Variants in ARMC6 observed in about 807,000 individuals in gnomAD.
The protein encoded by ARMC6 is armadillo repeat-containing protein 6.
Under a neutral mutation model 49.2 loss-of-function variants are expected in ARMC6, and 43 were observed. The ratio of observed to expected loss-of-function variants is 0.87; its 90% CI spans 0.69 to 1.13. ARMC6 has a LOEUF of 1.13. Ranked by LOEUF, ARMC6 falls within the 50% of genes most tolerant of loss-of-function variation. The probability of loss-of-function intolerance (pLI) is 0.00; values close to 1 mark genes in which losing one functional copy is unlikely to be tolerated. For missense variants in ARMC6, 627 were observed against 682.0 expected (o/e 0.92, Z 0.90); for synonymous variants, 262 against 289.6 (o/e 0.90, Z 0.97).
intron 4 of ARMC6, among the ~76,000 whole-genome samples, chr19:19,045,946 C>T (rs577294409): frequency 1.4e-4 from 21 of 152,116 alleles, no homozygotes; most frequent in East Asian, 7.8e-4. Context: ...CCACTATGCC[C>T]GGCCTATTAT....
rs1293160492 is a variant in ARMC6, at chr19:19,057,624, C to T, written c.1502C>T (p.Pro501Leu). 1 of 1,611,884 alleles carries T rather than the reference C, an allele frequency of 6.2e-7. No homozygotes were observed. Among genetic ancestry groups the T allele is most frequent in the Non-Finnish European group, 8.5e-7 (1 of 1,179,982 alleles). Residue 501 changes from proline (P) to leucine (L), a missense_variant, in exon 9 of 9, where the codon CCA (proline) becomes CTA (leucine). By Grantham distance (98) the Pro-to-Leu change is moderately conservative. Transcript: ENST00000535612. ...LWTGQRGNLA[P>L] ...ACAGGCCAGAGGGGCAACCTGGCGC[C>T]ATGACCCCAGGCCCAGTCTGGGCCG... is the stretch of plus-strand genomic sequence containing the variant.
intron 2 of ARMC6, chr19:19,037,779 C>G: frequency 1.2e-6 from 1 of 822,660 alleles, no homozygotes; most frequent in Middle Eastern, 3.0e-4. Context: ...AAGGCCTGTT[C>G]CTCCTTTTGT....
chr19:19,044,154 A>G, intron 4 of ARMC6, 80 bp downstream of exon 4: 1 of 1,388,596 alleles, frequency 7.2e-7, no homozygotes, highest in Non-Finnish European at 1.0e-6. Context: ...TGGATGGCAG[A>G]ATACAGGCTC....
intron 4 of ARMC6, among the ~76,000 whole-genome samples, chr19:19,044,757 G>C (rs922884390): frequency 5.9e-5 from 9 of 152,322 alleles, no homozygotes; most frequent in East Asian, 3.9e-4. Flanking sequence ...CCCCATTGTA[G>C]AGATGGGGAC....
rs2059429671 is a variant in ARMC6 at position 19,043,980 on chromosome 19, C to A, written c.197-12C>A. 3 of 1,613,408 alleles carry A rather than the reference C, an allele frequency of 1.9e-6. No individual in the cohort carries two copies. The highest frequency in any genetic ancestry group is 4.5e-5 in the East Asian group (2 of 44,856). Reference sequence around the variant, plus strand: ...CTGACCCCTGTGTGCTTGCTTCCCCCACCCCCAACAGGGGTTGATCTGAGC... The same window carrying A: ...CTGACCCCTGTGTGCTTGCTTCCCCAACCCCCAACAGGGGTTGATCTGAGC... On this transcript the variant is annotated splice_polypyrimidine_tract_variant and intron_variant, in intron 3 of 8. Transcript: ENST00000535612.
At position 19,042,696 on chromosome 19, in the gene ARMC6, G is replaced by C; in HGVS notation, c.30-15G>C. 1.2e-6 allele frequency: 2 copies of C among 1,610,938 alleles called. No individual in the cohort carries two copies. Among genetic ancestry groups the C allele is most frequent in the Non-Finnish European group, 1.7e-6 (2 of 1,179,912 alleles). On this transcript the variant is annotated splice_polypyrimidine_tract_variant and intron_variant, in intron 2 of 8. Transcript: ENST00000535612. ...TCACCCTTGAGGTAGCTCTCTCTTT[G>C]CCCTAACCTCTCAGCTCAGGAGCAT...
intron 5 of ARMC6, among the ~76,000 whole-genome samples, chr19:19,052,942 A>G (rs1187556323): frequency 1.3e-5 from 2 of 152,180 alleles, no homozygotes; most frequent in African/African-American, 2.4e-5. Flanking sequence ...TCCAGGAGGT[A>G]GCTCACATCT....
At chr19:19,044,861 C>T (rs755141414) in intron 4 of ARMC6, among the ~76,000 whole-genome samples, 5 of 152,198 alleles carry the variant, frequency 3.3e-5, no homozygotes, top group Non-Finnish European at 7.3e-5. Context: ...GGGTGTAAAC[C>T]CGGCTTGCCT....
intron 2 of ARMC6, among the ~76,000 whole-genome samples, chr19:19,037,142 G>A (rs1392550760): frequency 2.0e-5 from 3 of 152,080 alleles, no homozygotes; most frequent in Non-Finnish European, 4.4e-5. Context: ...CCAAGATCGT[G>A]CCACTGCATT....
intron 2 of ARMC6, chr19:19,040,654 CTTTTT>C: frequency 3.6e-6 from 1 of 275,046 alleles, no homozygotes; most frequent in Non-Finnish European, 7.4e-6. Context: ...CAGAGTTTGA[CTTTTT>C]TTTTTTTTTG....
In ARMC6 at chr19:19,057,437, C is replaced by T. The variant is rs770535680; in HGVS notation, c.1315C>T (p.Arg439Ter). 72 of 1,613,328 alleles carry T rather than the reference C, an allele frequency of 4.5e-5. No homozygotes were observed. The highest frequency in any genetic ancestry group is 5.3e-5 in the Non-Finnish European group (63 of 1,179,992). Residue 439 changes from arginine to a stop codon, truncating the protein, a stop_gained, in exon 9 of 9, where the codon CGA becomes TGA. Coordinates refer to ENST00000535612, the MANE Select transcript of ARMC6 (RefSeq NM_001199196.2). LOFTEE classifies it high-confidence loss of function. The part of the protein sequence containing the change: ...GVQKQACMLI[R>*]NLVAHGQAFS... ...ACAGAAACAGGCTTGCATGCTGATC[C>T]GAAACCTGGTGGCCCACGGCCAGGC...
In ARMC6 at chr19:19,051,968, A is replaced by G. The variant is rs897749096; in HGVS notation, c.626A>G (p.His209Arg). ...TGTGTGCGTCACGCTTGCCTGAAAC[A>G]TGAACAGAATCGGCAAGACCTGGTG... ...IRCVRHACLK[H>R]EQNRQDLVKA... The change falls in exon 5 of 9, where the codon CAT becomes CGT. Residue 209 changes from histidine (H) to arginine (R), a missense_variant. Coordinates refer to ENST00000535612, the MANE Select transcript of ARMC6 (RefSeq NM_001199196.2). The G allele has an allele frequency of 2.5e-6, 4 of 1,614,026 alleles. No homozygotes were observed. The African/African-American group carries it at 4.0e-5, about 16-fold the overall frequency.
In ARMC6 at chr19:19,033,607, C is replaced by T. The variant is rs996613154; in HGVS notation, c.-403C>T. 35 of 1,180,030 alleles carry T rather than the reference C, an allele frequency of 3.0e-5. No individual in the cohort carries two copies. The highest frequency in any genetic ancestry group is 3.7e-5 in the Non-Finnish European group (35 of 955,520). The allele number at this position is 1,180,030 out of a possible 1,614,324, so 73.1% of individuals were successfully genotyped here. On this transcript the variant is annotated 5_prime_UTR_variant, in exon 1 of 9. Transcript: ENST00000535612. Reference sequence around the variant, plus strand: ...GGTGCGCAGGCGCGGGCCGCCGCGGCCCGGCTCTCTTGCGCAAGCGCGCTG... The same window carrying T: ...GGTGCGCAGGCGCGGGCCGCCGCGGTCCGGCTCTCTTGCGCAAGCGCGCTG...
At position 19,055,540 on chromosome 19, in the gene ARMC6, C is replaced by G. The variant is rs2145880937; in HGVS notation, c.1155+144C>G. 1 of 1,285,266 alleles carries G rather than the reference C, an allele frequency of 7.8e-7. No individual in the cohort carries two copies. The highest frequency in any genetic ancestry group is 1.1e-6 in the Non-Finnish European group (1 of 949,998). 79.6% of individuals were successfully genotyped at this position (1,285,266 alleles called of 1,614,324 possible). A position where few individuals can be genotyped will look rare whatever the true frequency, so the allele number is the denominator to read the frequency against. On this transcript the variant is annotated intron_variant, in intron 7 of 8. Transcript: ENST00000535612. This position sits in a 1 kb window ranked among gnomAD's most constrained non-coding sequence, Gnocchi z 5.7. The stretch of plus-strand genomic sequence containing the variant: ...TGGGCATTGGCTCTCAAATGCTGAC[C>G]TGCGTATGCATGACTTTGGGTGTCC...
At chr19:19,038,948 C>G (rs2059391800) in intron 2 of ARMC6, among the ~76,000 whole-genome samples, 1 of 151,516 alleles carries the variant, frequency 6.6e-6, no homozygotes, top group African/African-American at 2.4e-5. Flanking sequence ...GAGATATGGT[C>G]TCACTGTGTT....
Position 19,057,726 on chromosome 19 carries a change from C to A in ARMC6, c.*98C>A. ...CACTGTCCCCCATTAGTTCTGTCCC[C>A]TTCACAATGAGAAGTGTTTTCTGGC... On this transcript the variant is annotated 3_prime_UTR_variant, in exon 9 of 9. Transcript: ENST00000535612. 1 of 1,219,640 alleles carries A rather than the reference C, an allele frequency of 8.2e-7. No individual in the cohort carries two copies. The allele number at this position is 1,219,640 out of a possible 1,614,324, so 75.6% of individuals were successfully genotyped here.
rs1321151162 is a variant in ARMC6, at chr19:19,055,263, A to C, written c.1024-2A>C. ...AGGTGAGCGGGCCTTTCCCTTGTGC[A>C]GGAGCTCGTGAAGCAAGTGCTGAGC... On this transcript the variant is annotated splice_acceptor_variant, in intron 6 of 8. Transcript: ENST00000535612. LOFTEE classifies it high-confidence loss of function. The surrounding 1 kb of genome is among the most constrained non-coding windows in gnomAD (Gnocchi z 5.7). The C allele has an allele frequency of 5.0e-6, 8 of 1,594,342 alleles. No individual in the cohort carries two copies. Among genetic ancestry groups the C allele is most frequent in the Non-Finnish European group, 6.8e-6 (8 of 1,170,236 alleles).
rs111776326 is a variant in ARMC6, at chr19:19,056,827, C to T, written c.1294-589C>T. On this transcript the variant is annotated intron_variant, in intron 8 of 8. Coordinates refer to ENST00000535612, the MANE Select transcript of ARMC6 (RefSeq NM_001199196.2). ...GGGACCCACAGGGGGCCTTTGCTCT[C>T]GCTGGCTCTTACTCTGGGACACTGA... Among the ~76,000 whole-genome samples, 267 of 152,340 alleles carry T rather than the reference C, an allele frequency of 1.8e-3. 1 individual carries two copies. Among genetic ancestry groups the T allele is most frequent in the African/African-American group, 6.0e-3 (250 of 41,582 alleles).
At chr19:19,039,672 C>G (rs749728942) in intron 2 of ARMC6, among the ~76,000 whole-genome samples, 1 of 152,136 alleles carries the variant, frequency 6.6e-6, no homozygotes, top group Admixed American at 6.6e-5. Context: ...GCTTCTTTGA[C>G]GAGACATCAT....
Sources: gnomAD v4.1 joint callset for allele counts (sites outside exome capture counted in the v4.1 genomes callset) on GRCh38, gnomAD v4.1.1 for gene constraint, Gnocchi (gnomAD v3.1) non-coding constraint, MANE v1.5 for transcripts, NCBI Gene and HGNC (gene_info 2026-07-23, HGNC 2026-07-21) for gene names.